GRM7: variants seen among roughly 807,000 people sequenced by gnomAD.
GRM7 encodes the protein glutamate metabotropic receptor 7.
Under a neutral mutation model 84.5 loss-of-function variants are expected in GRM7, and 35 were observed. The ratio of observed to expected loss-of-function variants is 0.41; its 90% confidence interval spans 0.32 to 0.55. GRM7 has a LOEUF of 0.55. Among genes scored for constraint, GRM7 ranks in the 20% least tolerant of loss-of-function variants. The probability of loss-of-function intolerance (pLI) is 0.19; values close to 1 mark genes in which losing one functional copy is unlikely to be tolerated. For missense variants in GRM7, 1,003 were observed against 1,194.6 expected (o/e 0.84, Z 2.36); for synonymous variants, 487 against 455.1 (o/e 1.07, Z -0.89).
intron 1 of GRM7, among the ~76,000 whole-genome samples, chr3:7,145,473 C>T (rs1694078297): frequency 6.6e-6 from 1 of 152,138 alleles, no homozygotes; most frequent in Non-Finnish European, 1.5e-5. Flanking sequence ...CCTTAGGCTA[C>T]CTGAAATCCC....
At chr3:7,304,634 A>C (rs1700126364) in intron 3 of GRM7, among the ~76,000 whole-genome samples, 1 of 151,826 alleles carries the variant, frequency 6.6e-6, no homozygotes, top group African/African-American at 2.4e-5. Flanking sequence ...GAAGAATCTT[A>C]TTTCTTATTT....
At chr3:7,088,761 T>C (rs1245978996) in intron 1 of GRM7, among the ~76,000 whole-genome samples, 1 of 145,438 alleles carries the variant, frequency 6.9e-6, no homozygotes, top group Non-Finnish European at 1.5e-5. Flanking sequence ...GACAGTGCCC[T>C]CCACCTCTTG....
intron 8 of GRM7, among the ~76,000 whole-genome samples, chr3:7,641,963 A>T (rs1235500787): frequency 6.8e-6 from 1 of 147,004 alleles, no homozygotes; most frequent in Non-Finnish European, 1.5e-5. Flanking sequence ...TAAAAAAAAA[A>T]TCAACATATT....
At chr3:7,477,471 A>T (rs1698967275) in intron 7 of GRM7, among the ~76,000 whole-genome samples, 1 of 152,184 alleles carries the variant, frequency 6.6e-6, no homozygotes, top group Non-Finnish European at 1.5e-5. Context: ...ATAGGCAGAG[A>T]TCAATTACTA....
At chr3:7,343,410 C>CA (rs1312402579) in intron 4 of GRM7, among the ~76,000 whole-genome samples, 1 of 152,088 alleles carries the variant, frequency 6.6e-6, no homozygotes, top group African/African-American at 2.4e-5. Context: ...GACGGGGTCT[C>CA]ACTATGTTGC....
chr3:7,447,558 T>C (rs1697569598), intron 5 of GRM7, among the ~76,000 whole-genome samples: 1 of 152,078 alleles, frequency 6.6e-6, no homozygotes, highest in Admixed American at 6.5e-5. Context: ...CACTTCCCTA[T>C]CAAGAATTTA....
At chr3:7,164,411 T>A (rs1694735969) in intron 2 of GRM7, among the ~76,000 whole-genome samples, 2 of 152,160 alleles carry the variant, frequency 1.3e-5, no homozygotes, top group South Asian at 4.1e-4. Flanking sequence ...TTAGCCTATG[T>A]CTAGCTCTGG....
chr3:7,032,813 C>A (rs1696237019), intron 1 of GRM7, among the ~76,000 whole-genome samples: 1 of 152,274 alleles, frequency 6.6e-6, no homozygotes, highest in South Asian at 2.1e-4. Context: ...TACTATGTAA[C>A]ATATTCCAAG....
chr3:7,362,782 A>G (rs532097891), intron 4 of GRM7, among the ~76,000 whole-genome samples: 1 of 152,238 alleles, frequency 6.6e-6, no homozygotes, highest in Non-Finnish European at 1.5e-5. Context: ...ACTGCCTGAT[A>G]CTTGAGTAAT....
At chr3:6,939,625 G>A (rs1244522561) in intron 1 of GRM7, among the ~76,000 whole-genome samples, 1 of 152,138 alleles carries the variant, frequency 6.6e-6, no homozygotes, top group Non-Finnish European at 1.5e-5. Context: ...AAGCTCCACA[G>A]TAGGCAATTA....
At chr3:7,283,400 G>A (rs941571467) in intron 2 of GRM7, among the ~76,000 whole-genome samples, 6 of 150,312 alleles carry the variant, frequency 4.0e-5, no homozygotes, top group Non-Finnish European at 8.9e-5. Context: ...TGAGGTTGCT[G>A]TTATTATTAT....
intron 4 of GRM7, among the ~76,000 whole-genome samples, chr3:7,319,897 A>G (rs994877801): frequency 1.3e-5 from 2 of 151,922 alleles, no homozygotes; most frequent in Non-Finnish European, 2.9e-5. Flanking sequence ...TAAATGTACC[A>G]CTCAATGGCA....
chr3:7,326,878 T>C (rs7610696), intron 4 of GRM7, among the ~76,000 whole-genome samples: 75,513 of 151,744 alleles, frequency 0.5, 20,002 homozygotes, highest in African/African-American at 0.7. Context: ...GCCCACAATC[T>C]ATCCTCACCA....
chr3:7,466,242 A>G (rs915095194), intron 7 of GRM7, among the ~76,000 whole-genome samples: 1 of 152,086 alleles, frequency 6.6e-6, no homozygotes, highest in African/African-American at 2.4e-5. Context: ...ATGCACCCCA[A>G]GTTCACAGTC....
Position 7,461,677 on chromosome 3 carries a change from G to A in GRM7, c.1470G>A (p.Pro490=), listed in dbSNP as rs138702582. Residue 490 remains proline (P), a synonymous_variant, in exon 7 of 10, where the codon CCG becomes CCA. Transcript: ENST00000357716. ...ACCAGACCACAAACACCAGCAACCCGGGTTACCGTCTGATCGGGCAGTGGA... is the reference window on the plus strand; with the variant it reads ...ACCAGACCACAAACACCAGCAACCCAGGTTACCGTCTGATCGGGCAGTGGA... ...FQYQTTNTSN[P]GYRLIGQWTD... 27 of 1,613,734 alleles carry A rather than the reference G, an allele frequency of 1.7e-5. No homozygotes were observed. Among genetic ancestry groups the A allele is most frequent in the Admixed American group, 1.3e-4 (8 of 59,990 alleles).
At chr3:7,084,768 C>T (rs1234612962) in intron 1 of GRM7, among the ~76,000 whole-genome samples, 1 of 152,074 alleles carries the variant, frequency 6.6e-6, no homozygotes, top group Admixed American at 6.6e-5. Context: ...TATTGTTATT[C>T]AGGATTTCTT....
intron 1 of GRM7, among the ~76,000 whole-genome samples, chr3:6,988,889 G>A (rs1461564162): frequency 1.3e-5 from 2 of 152,108 alleles, no homozygotes; most frequent in Admixed American, 6.5e-5. Flanking sequence ...ATATTCTTAA[G>A]GCAATGTTTC....
intron 1 of GRM7, among the ~76,000 whole-genome samples, chr3:6,931,684 T>G (rs535394211): frequency 2.8e-4 from 43 of 152,240 alleles, no homozygotes; most frequent in Non-Finnish European, 4.3e-4. Context: ...AGAAATTATA[T>G]AAATTTGTAA....
In GRM7 at chr3:7,687,574, G is replaced by C. The variant is rs542409255; in HGVS notation, c.2698+7279G>C. ...AACCTCCTATTGTACTCATATAATA[G>C]AGAGACCTGTCTCTAGAGAGATTCC... On this transcript the variant is annotated intron_variant, in intron 9 of 9. Transcript: ENST00000357716. Among the ~76,000 whole-genome samples the C allele has an allele frequency of 2.0e-5, 3 of 152,174 alleles. No individual in the cohort carries two copies. In the East Asian group the frequency reaches 5.8e-4, roughly 29 times the overall value.
Sources: allele counts gnomAD v4.1 joint callset (sites outside exome capture counted in the v4.1 genomes callset), GRCh38; gene constraint gnomAD v4.1.1; transcripts MANE v1.5; gene names NCBI Gene and HGNC (gene_info 2026-07-23, HGNC 2026-07-21).